The following CTNNA1 variants were observed in gnomAD, a reference collection of about 807,000 sequenced individuals.
The protein encoded by CTNNA1 is catenin alpha 1.
Under a neutral mutation model 98.4 loss-of-function variants are expected in CTNNA1, and 37 were observed. That is an observed-to-expected ratio of 0.38 (90% CI 0.29 to 0.49). CTNNA1 has a LOEUF of 0.49. Ranked by LOEUF, CTNNA1 falls within the 20% of genes least tolerant of loss-of-function variation. The pLI is 0.95. For missense variants in CTNNA1, 761 were observed against 1,147.2 expected (o/e 0.66, Z 4.86); for synonymous variants, 404 against 413.2 (o/e 0.98, Z 0.27).
rs1755335758 is a variant in CTNNA1 at position 138,783,283 on chromosome 5, A to C, written c.212A>C (p.Asn71Thr). The C allele has an allele frequency of 6.2e-7, 1 of 1,614,154 alleles. No homozygotes were observed. The highest frequency in any genetic ancestry group is 1.7e-5 in the Admixed American group (1 of 60,022). The change falls in exon 3 of 18, where the codon AAT becomes ACT. Residue 71 changes from asparagine (N) to threonine (T), a missense_variant. This residue lies in a region of CTNNA1 where 328 missense variants were observed against 354.3 expected (regional missense o/e 0.93). Coordinates refer to ENST00000302763, the MANE Select transcript of CTNNA1 (RefSeq NM_001903.5). ...LAASVEQATE[N>T]FLEKGDKIAK... Reference sequence around the variant, plus strand: ...GCATCTGTTGAACAAGCAACTGAGAATTTCTTGGAGAAGGGGGATAAAATT... The same window carrying C: ...GCATCTGTTGAACAAGCAACTGAGACTTTCTTGGAGAAGGGGGATAAAATT...
At chr5:138,830,166 C>CA (rs113554684) in intron 7 of CTNNA1, among the ~76,000 whole-genome samples, 5,487 of 135,606 alleles carry the variant, frequency 0.04, 294 homozygotes, top group African/African-American at 0.13. Context: ...GACTCCATCT[C>CA]AAAAAAAAAA....
At chr5:138,859,977 T>G (rs1764108022) in intron 7 of CTNNA1, among the ~76,000 whole-genome samples, 1 of 152,134 alleles carries the variant, frequency 6.6e-6, no homozygotes, top group Non-Finnish European at 1.5e-5. Flanking sequence ...CCTTCTCAAT[T>G]TAAACTGAGG....
intron 7 of CTNNA1, among the ~76,000 whole-genome samples, chr5:138,881,324 C>A (rs1353897908): frequency 6.6e-6 from 1 of 152,164 alleles, no homozygotes; most frequent in African/African-American, 2.4e-5. Context: ...TAAAGCACTC[C>A]CAGCAACTCT....
chr5:138,898,585 G>C (rs1451200872), intron 9 of CTNNA1, among the ~76,000 whole-genome samples: 1 of 148,166 alleles, frequency 6.7e-6, no homozygotes, highest in African/African-American at 2.5e-5. Flanking sequence ...CTGTGTGACA[G>C]AGTGAGACCC....
At chr5:138,869,872 G>A (rs1765176146) in intron 7 of CTNNA1, 1 of 152,556 alleles carries the variant, frequency 6.6e-6, no homozygotes, top group Non-Finnish European at 1.5e-5. Context: ...TTTGATGCTG[G>A]CAGTGGGTAT....
In CTNNA1 at chr5:138,933,873, A is replaced by G. The variant is rs780046997; in HGVS notation, c.2505A>G (p.Ala835=). ...LMNAVVQTVK[A]SYVASTKYQK... ...ATGCTGTGGTGCAGACAGTGAAGGC[A>G]TCCTACGTCGCCTCTACCAAATACC... The change falls in exon 18 of 18, where the codon GCA becomes GCG. Residue 835 remains alanine, a synonymous_variant. Transcript: ENST00000302763. 1 of 1,614,184 alleles carries G rather than the reference A, an allele frequency of 6.2e-7. No homozygotes were observed. Among genetic ancestry groups the G allele is most frequent in the East Asian group, 2.2e-5 (1 of 44,886 alleles).
chr5:138,827,219 T>C (rs1265197595), intron 6 of CTNNA1, among the ~76,000 whole-genome samples: 3 of 152,214 alleles, frequency 2.0e-5, no homozygotes, highest in Non-Finnish European at 2.9e-5. Flanking sequence ...CTTATACGGG[T>C]TTACCTTTAG....
intron 9 of CTNNA1, among the ~76,000 whole-genome samples, chr5:138,890,919 A>G (rs1755206799): frequency 6.6e-6 from 1 of 152,202 alleles, no homozygotes; most frequent in African/African-American, 2.4e-5. Context: ...GACAAATTAT[A>G]TAATACCTCC....
intron 7 of CTNNA1, among the ~76,000 whole-genome samples, chr5:138,881,547 A>G (rs1202084969): frequency 6.6e-6 from 1 of 152,174 alleles, no homozygotes; most frequent in Non-Finnish European, 1.5e-5. Context: ...ATTTTTCTTG[A>G]TAATTCTCTT....
intron 7 of CTNNA1, among the ~76,000 whole-genome samples, chr5:138,865,298 A>G (rs748485822): frequency 2.6e-5 from 4 of 152,006 alleles, no homozygotes; most frequent in African/African-American, 4.8e-5. Flanking sequence ...GGCTCCACCC[A>G]CCCTTGGGTC....
intron 9 of CTNNA1, among the ~76,000 whole-genome samples, chr5:138,903,265 C>T (rs1758480341): frequency 1.3e-5 from 2 of 152,046 alleles, no homozygotes; most frequent in South Asian, 4.1e-4. Context: ...AAACAACTGC[C>T]GTAATAGTGT....
chr5:138,900,895 CAA>C (rs1326342866), intron 9 of CTNNA1, among the ~76,000 whole-genome samples: 2 of 152,182 alleles, frequency 1.3e-5, no homozygotes, highest in Non-Finnish European at 2.9e-5. Flanking sequence ...ACAGATGGTA[CAA>C]AAGAGGGCTG....
At chr5:138,838,732 G>A (rs1368645251) in intron 7 of CTNNA1, among the ~76,000 whole-genome samples, 1 of 152,056 alleles carries the variant, frequency 6.6e-6, no homozygotes, top group Non-Finnish European at 1.5e-5. Flanking sequence ...TGCTTTGTCT[G>A]CATCCGATAA....
At chr5:138,849,684 T>C (rs1040424030) in intron 7 of CTNNA1, among the ~76,000 whole-genome samples, 2 of 152,232 alleles carry the variant, frequency 1.3e-5, no homozygotes, top group Non-Finnish European at 2.9e-5. Flanking sequence ...CTCATTGGAT[T>C]AATGGTTATT....
In CTNNA1 at chr5:138,934,275, TGCA is replaced by T. The variant is rs2150361735; in HGVS notation, c.*188_*190del. 1.8e-6 allele frequency: 1 copy of T among 567,076 alleles called. No individual in the cohort carries two copies. Among genetic ancestry groups the T allele is most frequent in the African/African-American group, 1.9e-5 (1 of 53,314 alleles). The allele number at this position is 567,076 out of a possible 1,614,324, so 35.1% of individuals were successfully genotyped here. On this transcript the variant is annotated 3_prime_UTR_variant, in exon 18 of 18. Transcript: ENST00000302763. ...AAGTTGATTAAAAATGCTTTTAGAA[TGCA>T]GGAGCCTACTTCTAGCTGTATTTTT...
chr5:138,816,175 A>G (rs951871100), intron 5 of CTNNA1, among the ~76,000 whole-genome samples: 1 of 152,212 alleles, frequency 6.6e-6, no homozygotes, highest in Non-Finnish European at 1.5e-5. Flanking sequence ...TTGACTTACC[A>G]TAGTGTTTTC....
At chr5:138,854,649 T>C (rs1446354105) in intron 7 of CTNNA1, among the ~76,000 whole-genome samples, 1 of 152,218 alleles carries the variant, frequency 6.6e-6, no homozygotes, top group East Asian at 1.9e-4. Context: ...CCACTAAGCC[T>C]CTCTATTAGA....
intron 7 of CTNNA1, among the ~76,000 whole-genome samples, chr5:138,834,349 G>GACAAGTC (rs1761566955): frequency 6.6e-6 from 1 of 152,082 alleles, no homozygotes. Flanking sequence ...TCGGATCTGT[G>GACAAGTC]TATATGTACA....
chr5:138,762,458 A>G (rs1034800382), intron 1 of CTNNA1, among the ~76,000 whole-genome samples: 1 of 150,498 alleles, frequency 6.6e-6, no homozygotes, highest in Non-Finnish European at 1.5e-5. Context: ...TTTCTCTGTT[A>G]GAGCCTTAAA....
Sources: gnomAD v4.1 joint callset for allele counts (sites outside exome capture counted in the v4.1 genomes callset) on GRCh38, gnomAD v4.1.1 for gene constraint, gnomAD v4.1.1 regional missense constraint, MANE v1.5 for transcripts, NCBI Gene and HGNC (gene_info 2026-07-23, HGNC 2026-07-21) for gene names.